PLPPR2: variants seen among roughly 807,000 people sequenced by gnomAD.
The protein encoded by PLPPR2 is phospholipid phosphatase related 2.
Under a neutral mutation model 40.3 loss-of-function variants are expected in PLPPR2, and 11 were observed. The observed-to-expected ratio is 0.27, with a 90% CI of 0.17 to 0.45. PLPPR2 has a LOEUF of 0.45. Ranked by LOEUF, PLPPR2 falls within the 20% of genes least tolerant of loss-of-function variation. The pLI is 1.00. For synonymous variants in PLPPR2, 260 were observed against 290.8 expected (o/e 0.89, Z 1.08); for missense variants, 497 against 640.7 (o/e 0.78, Z 2.42).
chr19:11,357,748 C>T lies in PLPPR2; in HGVS notation c.66+9C>T. 6.3e-7 allele frequency: 1 copy of T among 1,594,670 alleles called. No homozygotes were observed. The highest frequency in any genetic ancestry group is 1.1e-5 in the South Asian group (1 of 88,166). The stretch of plus-strand genomic sequence containing the variant: ...GCTTTGTCTTCGTGGAGGTGAGGAC[C>T]CCCGTACCTCTCCCAGAGACGGCGT... On this transcript the variant is annotated intron_variant, in intron 3 of 9. Transcript: ENST00000688289.
chr19:11,363,030 AC>A lies in PLPPR2; in HGVS notation c.840+342del, dbSNP rs554481959. ...GAATCAAGGCTGGGTGCGGTGGCTCACGCCTGTAATCCCAGCACTTTGGGAA... is the reference window on the plus strand; with the variant it reads ...GAATCAAGGCTGGGTGCGGTGGCTCAGCCTGTAATCCCAGCACTTTGGGAA... On this transcript the variant is annotated intron_variant, in intron 7 of 9. Transcript: ENST00000688289. The surrounding 1 kb of genome is among the most constrained non-coding windows in gnomAD (Gnocchi z 4.8). Among the ~76,000 whole-genome samples the A allele has an allele frequency of 2.8e-3, 432 of 152,306 alleles. No individual in the cohort carries two copies. The highest frequency in any genetic ancestry group is 4.2e-3 in the Admixed American group (64 of 15,296).
At position 11,356,355 on chromosome 19, in the gene PLPPR2, C is replaced by T. The variant is rs947886185; in HGVS notation, c.-189-447C>T. ...CTGTGACTCTTAAGTGTGTTGCAGG[C>T]CTGACTGTGTGTCCCTGACTGTAGC... On this transcript the variant is annotated intron_variant, in intron 1 of 9. Coordinates refer to ENST00000688289, the MANE Select transcript of PLPPR2 (RefSeq NM_001393892.1). Among the ~76,000 whole-genome samples, 5 of 151,160 alleles carry T rather than the reference C, an allele frequency of 3.3e-5. No individual in the cohort carries two copies. In the South Asian group the frequency reaches 1.0e-3, roughly 32 times the overall value.
intron 3 of PLPPR2, among the ~76,000 whole-genome samples, chr19:11,358,049 G>A (rs12985374): frequency 1.0e-4 from 4 of 39,586 alleles, no homozygotes; most frequent in Non-Finnish European, 2.7e-4. Flanking sequence ...GTGTGTGTGT[G>A]TGTGTGTGTG....
chr19:11,360,038 C>T, intron 5 of PLPPR2, 82 bp downstream of exon 5: 1 of 1,466,754 alleles, frequency 6.8e-7, no homozygotes, highest in Non-Finnish European at 9.0e-7. Context: ...GCCTGACAGT[C>T]ATAATAATTC....
Position 11,359,956 on chromosome 19 carries a change from G to C in PLPPR2, c.391G>C (p.Gly131Arg). ...PPVRRLVRFLGVYSFGLFTTT... is the reference protein window; with the variant it reads ...PPVRRLVRFLRVYSFGLFTTT... The stretch of plus-strand genomic sequence containing the variant: ...AGTGCGGAGGCTGGTCCGCTTCCTG[G>C]GTGAGAGACATGGCCTGGGGTCAGC... Residue 131 changes from glycine to arginine, a missense_variant and splice_region_variant, in exon 5 of 10, where the codon GGG becomes CGG. Coordinates refer to ENST00000688289, the MANE Select transcript of PLPPR2 (RefSeq NM_001393892.1). This position sits in a 1 kb window ranked among gnomAD's most constrained non-coding sequence, Gnocchi z 5.6. 1 of 1,601,172 alleles carries C rather than the reference G, an allele frequency of 6.2e-7. No individual in the cohort carries two copies. Among genetic ancestry groups the C allele is most frequent in the Non-Finnish European group, 8.5e-7 (1 of 1,172,808 alleles).
rs1410649531 is a variant in PLPPR2, at chr19:11,362,121, A to G, written c.664-392A>G. ...AGGGGCTCCACCTCCTACAGCTCCT[A>G]CAGCTCCTACAGCTCCCTTCGCCCT... On this transcript the variant is annotated intron_variant, in intron 6 of 9. Coordinates refer to ENST00000688289, the MANE Select transcript of PLPPR2 (RefSeq NM_001393892.1). The surrounding 1 kb of genome is among the most constrained non-coding windows in gnomAD (Gnocchi z 5.3). Among the ~76,000 whole-genome samples, 1 of 151,880 alleles carries G rather than the reference A, an allele frequency of 6.6e-6. No individual in the cohort carries two copies. Among genetic ancestry groups the G allele is most frequent in the Non-Finnish European group, 1.5e-5 (1 of 67,942 alleles).
chr19:11,357,660 G>C lies in PLPPR2; in HGVS notation c.-14G>C, dbSNP rs779696440. On this transcript the variant is annotated splice_region_variant and 5_prime_UTR_variant, in exon 3 of 10. Transcript: ENST00000688289. ...TCCCACTCCCTCCCCACCTCTGCAG[G>C]CCTGGCCTTCACCATGGCGGGAGGG... 2 of 1,602,110 alleles carry C rather than the reference G, an allele frequency of 1.2e-6. No individual in the cohort carries two copies. The highest frequency in any genetic ancestry group is 8.5e-7 in the Non-Finnish European group (1 of 1,174,094).
chr19:11,357,786 C>T, intron 3 of PLPPR2, 47 bp downstream of exon 3: 1 of 1,485,502 alleles, frequency 6.7e-7, no homozygotes, highest in South Asian at 1.2e-5. Flanking sequence ...CTATCTCTGT[C>T]TCTGTCCAAC....
At position 11,364,499 on chromosome 19, in the gene PLPPR2, C is replaced by G. The variant is rs1291052766; in HGVS notation, c.1168C>G (p.Pro390Ala). Residue 390 changes from proline to alanine, a missense_variant, in exon 10 of 10, where the codon CCC becomes GCC. Coordinates refer to ENST00000688289, the MANE Select transcript of PLPPR2 (RefSeq NM_001393892.1). This position sits in a 1 kb window ranked among gnomAD's most constrained non-coding sequence, Gnocchi z 5.8. The stretch of plus-strand genomic sequence containing the variant: ...GCCCCTACCCCTGCCAGCGCCCACC[C>G]CCAGCCAGGGCCCCTCGCCTTCCTC... ...PLPLPLPAPT[P>A]SQGPSPSSPG... 6.6e-7 allele frequency: 1 copy of G among 1,522,720 alleles called. No individual in the cohort carries two copies. The highest frequency in any genetic ancestry group is 1.2e-5 in the South Asian group (1 of 81,438). The allele number at this position is 1,522,720 out of a possible 1,614,324, so 94.3% of individuals were successfully genotyped here.
Position 11,362,353 on chromosome 19 carries a change from TG to T in PLPPR2, c.664-158del. 1 of 572,672 alleles carries T rather than the reference TG, an allele frequency of 1.7e-6. No homozygotes were observed. Among genetic ancestry groups the T allele is most frequent in the Non-Finnish European group, 2.9e-6 (1 of 350,086 alleles). 35.5% of individuals were successfully genotyped at this position (572,672 alleles called of 1,614,324 possible). On this transcript the variant is annotated intron_variant, in intron 6 of 9. Coordinates refer to ENST00000688289, the MANE Select transcript of PLPPR2 (RefSeq NM_001393892.1). The surrounding 1 kb of genome is among the most constrained non-coding windows in gnomAD (Gnocchi z 5.3). Reference sequence around the variant, plus strand: ...CCTTTGCCTTTTTGGTCACGCTCCCTGGAAAAGCCCACTGGGAGCCCATGAC... The same window carrying T: ...CCTTTGCCTTTTTGGTCACGCTCCCTGAAAAGCCCACTGGGAGCCCATGAC...
chr19:11,364,237 T>C lies in PLPPR2; in HGVS notation c.1015+25T>C, dbSNP rs781733265. On this transcript the variant is annotated intron_variant, in intron 9 of 9. Coordinates refer to ENST00000688289, the MANE Select transcript of PLPPR2 (RefSeq NM_001393892.1). This position sits in a 1 kb window ranked among gnomAD's most constrained non-coding sequence, Gnocchi z 5.8. ...AGTGAGTGTTGGGGGAGTGGGGGGCTAAACAGGGGGACTTCCAGGTGGGCA... is the reference window on the plus strand; with the variant it reads ...AGTGAGTGTTGGGGGAGTGGGGGGCCAAACAGGGGGACTTCCAGGTGGGCA... The C allele has an allele frequency of 6.9e-5, 110 of 1,600,118 alleles. No homozygotes were observed. Among genetic ancestry groups the C allele is most frequent in the Non-Finnish European group, 8.9e-5 (104 of 1,171,570 alleles).
Position 11,361,140 on chromosome 19 carries a change from G to T in PLPPR2, c.392-77G>T. On this transcript the variant is annotated intron_variant, in intron 5 of 9. Coordinates refer to ENST00000688289, the MANE Select transcript of PLPPR2 (RefSeq NM_001393892.1). This position sits in a 1 kb window ranked among gnomAD's most constrained non-coding sequence, Gnocchi z 6.3. The stretch of plus-strand genomic sequence containing the variant: ...GCTTTAATGACAGTCACAGGAAAAG[G>T]GAGCTAAGAGGCCCAATGGAATCAG... 6.6e-7 allele frequency: 1 copy of T among 1,506,830 alleles called. No homozygotes were observed. The highest frequency in any genetic ancestry group is 1.3e-5 in the South Asian group (1 of 78,152). The allele number at this position is 1,506,830 out of a possible 1,614,324, so 93.3% of individuals were successfully genotyped here.
chr19:11,362,301 C>CTG lies in PLPPR2; in HGVS notation c.664-212_664-211insTG. On this transcript the variant is annotated intron_variant, in intron 6 of 9. Coordinates refer to ENST00000688289, the MANE Select transcript of PLPPR2 (RefSeq NM_001393892.1). This position sits in a 1 kb window ranked among gnomAD's most constrained non-coding sequence, Gnocchi z 5.3. The stretch of plus-strand genomic sequence containing the variant: ...CCCTGCAGGTGGTGCCCACGAGACT[C>CTG]CAAGACCTCAATCCCTGACCCCCCC... 3.4e-6 allele frequency: 2 copies of CTG among 586,598 alleles called. No individual in the cohort carries two copies. The highest frequency in any genetic ancestry group is 6.0e-5 in the Admixed American group (2 of 33,464). 36.3% of individuals were successfully genotyped at this position (586,598 alleles called of 1,614,324 possible).
In PLPPR2 at chr19:11,361,408, C is replaced by A. The variant is rs766533759; in HGVS notation, c.583C>A (p.Pro195Thr). The change falls in exon 6 of 10, where the codon CCC becomes ACC. Residue 195 changes from proline to threonine, a missense_variant. Transcript: ENST00000688289. The surrounding 1 kb of genome is among the most constrained non-coding windows in gnomAD (Gnocchi z 6.3). ...VTDQGACAGS[P>T]SLVAAARRAF... is the part of the protein sequence containing the mutation. ...TGACCAGGGTGCCTGCGCTGGCAGT[C>A]CCAGCCTCGTGGCCGCCGCGCGCCG... 1 of 1,609,182 alleles carries A rather than the reference C, an allele frequency of 6.2e-7. No individual in the cohort carries two copies. Among genetic ancestry groups the A allele is most frequent in the East Asian group, 2.2e-5 (1 of 44,866 alleles).
Position 11,364,126 on chromosome 19 carries a change from G to T in PLPPR2, c.964-35G>T. 2 of 1,591,962 alleles carry T rather than the reference G, an allele frequency of 1.3e-6. No individual in the cohort carries two copies. The highest frequency in any genetic ancestry group is 1.7e-6 in the Non-Finnish European group (2 of 1,167,988). ...GGCTGTGGCCGGTAGGGCCCAGGGG[G>T]CCACTAGCCCCTTCCGTCTGTCTCT... On this transcript the variant is annotated intron_variant, in intron 8 of 9. Transcript: ENST00000688289. This position sits in a 1 kb window ranked among gnomAD's most constrained non-coding sequence, Gnocchi z 5.8.
In PLPPR2 at chr19:11,355,463, G is replaced by A. The variant is rs1198399594; in HGVS notation, c.-299G>A. 1.3e-5 allele frequency: 2 copies of A among 152,370 alleles called. No individual in the cohort carries two copies. Among genetic ancestry groups the A allele is most frequent in the Non-Finnish European group, 2.9e-5 (2 of 68,080 alleles). The allele number at this position is 152,370 out of a possible 1,614,324, so 9.4% of individuals were successfully genotyped here. On this transcript the variant is annotated 5_prime_UTR_variant, in exon 1 of 10. Transcript: ENST00000688289. The stretch of plus-strand genomic sequence containing the variant: ...GCGGCGCGGCCAGGCCCGGCCGACC[G>A]CGTCTCGGTCTTCGCGTCTGCCAGC...
At chr19:11,356,394 G>A (rs1448059445) in intron 1 of PLPPR2, among the ~76,000 whole-genome samples, 1 of 150,208 alleles carries the variant, frequency 6.7e-6, no homozygotes, top group Non-Finnish European at 1.5e-5. Context: ...GTGGGGGCTT[G>A]TGTGGGACTG....
At chr19:11,356,627 G>A (rs992902489) in intron 1 of PLPPR2, among the ~76,000 whole-genome samples, 175 bp from the exon 2 acceptor site, 5 of 151,030 alleles carry the variant, frequency 3.3e-5, no homozygotes, top group Admixed American at 2.0e-4. Flanking sequence ...GCAGGTGCTC[G>A]GTCTTCACTG....
At chr19:11,360,355 C>T (rs1968010448) in intron 5 of PLPPR2, among the ~76,000 whole-genome samples, 1 of 151,270 alleles carries the variant, frequency 6.6e-6, no homozygotes, top group African/African-American at 2.4e-5. Flanking sequence ...GTAGCCCCAG[C>T]TACTTGGGAG....
Sources: allele counts gnomAD v4.1 joint callset (sites outside exome capture counted in the v4.1 genomes callset), GRCh38; gene constraint gnomAD v4.1.1; non-coding constraint Gnocchi (gnomAD v3.1); transcripts MANE v1.5; gene names NCBI Gene and HGNC (gene_info 2026-07-23, HGNC 2026-07-21).